Variants in SMYD3 observed in about 807,000 individuals in gnomAD.
SMYD3 encodes histone-lysine N-methyltransferase SMYD3.
In SMYD3, 36 loss-of-function variants were observed where a neutral mutation model predicts 57.7. The ratio of observed to expected loss-of-function variants is 0.62; its 90% CI spans 0.48 to 0.82. The LOEUF is 0.82. Ranked by LOEUF, SMYD3 falls within the 40% of genes least tolerant of loss-of-function variation. The pLI, the probability that SMYD3 is intolerant of heterozygous loss-of-function variation, is 0.00. For synonymous variants in SMYD3, 211 were observed against 195.0 expected (o/e 1.08, Z -0.68); for missense variants, 515 against 538.8 (o/e 0.96, Z 0.44).
chr1:246,225,390 G>A (rs1468292265), intron 5 of SMYD3, among the ~76,000 whole-genome samples: 1 of 138,038 alleles, frequency 7.2e-6, no homozygotes, highest in Non-Finnish European at 1.5e-5. Flanking sequence ...AAGACTAAAG[G>A]TCTTTGGTAA....
At chr1:246,357,025 G>A (rs1377908968) in intron 1 of SMYD3, among the ~76,000 whole-genome samples, 4 of 152,176 alleles carry the variant, frequency 2.6e-5, no homozygotes, top group Non-Finnish European at 4.4e-5. Context: ...AGAGCTGTGA[G>A]GCAAAAGCAT....
chr1:245,865,529 A>G (rs2051786184), intron 8 of SMYD3, among the ~76,000 whole-genome samples: 1 of 152,176 alleles, frequency 6.6e-6, no homozygotes, highest in Admixed American at 6.5e-5. Context: ...CTAGCCTGGA[A>G]CCAAAATTTC....
chr1:245,994,645 T>C (rs182552500), intron 5 of SMYD3, among the ~76,000 whole-genome samples: 9 of 152,234 alleles, frequency 5.9e-5, no homozygotes, highest in East Asian at 3.9e-4. Flanking sequence ...ATTTCAGAAA[T>C]AGGGGAGGGC....
At position 246,492,400 on chromosome 1, in the gene SMYD3, C is replaced by T. The variant is rs138044561; in HGVS notation, c.164+14654G>A. Among the ~76,000 whole-genome samples, 1,234 of 152,166 alleles carry T rather than the reference C, an allele frequency of 8.1e-3. 13 individuals are homozygous for T. The highest frequency in any genetic ancestry group is 0.028 in the African/African-American group (1,152 of 41,508). On this transcript the variant is annotated intron_variant, in intron 1 of 11. Coordinates refer to ENST00000490107, the MANE Select transcript of SMYD3 (RefSeq NM_001167740.2). ...TAAGAACCGGTATCTCAGAGAACGCCGATGGCTCCTGACTAGGAGGAAAAA... is the reference window on the plus strand; with the variant it reads ...TAAGAACCGGTATCTCAGAGAACGCTGATGGCTCCTGACTAGGAGGAAAAA...
chr1:245,786,213 C>CGCG (rs1553321336), intron 10 of SMYD3, among the ~76,000 whole-genome samples: 1 of 104,040 alleles, frequency 9.6e-6, no homozygotes, highest in African/African-American at 4.0e-5. Context: ...GGGGTGTGGA[C>CGCG]GGGGGGGGGA....
chr1:246,204,551 C>T (rs1277846186), intron 5 of SMYD3, among the ~76,000 whole-genome samples: 1 of 136,502 alleles, frequency 7.3e-6, no homozygotes, highest in Non-Finnish European at 1.5e-5. Flanking sequence ...AAGAATCTTA[C>T]CTTTGTCAAA....
chr1:245,761,138 C>T (rs1178875649), intron 11 of SMYD3, among the ~76,000 whole-genome samples: 1 of 152,126 alleles, frequency 6.6e-6, no homozygotes, highest in Non-Finnish European at 1.5e-5. Flanking sequence ...TGTAGAGACA[C>T]ACAGCAAGTT....
At chr1:245,828,977 A>ACCC (rs1558396089) in intron 10 of SMYD3, among the ~76,000 whole-genome samples, 2 of 151,952 alleles carry the variant, frequency 1.3e-5, no homozygotes, top group Non-Finnish European at 2.9e-5. Context: ...TGCTGGGGTT[A>ACCC]GAGGCATGAG....
chr1:246,296,286 C>A (rs2064793378), intron 5 of SMYD3, among the ~76,000 whole-genome samples: 1 of 152,168 alleles, frequency 6.6e-6, no homozygotes, highest in African/African-American at 2.4e-5. Flanking sequence ...GAAATGGTAA[C>A]ACTTGCCCCC....
intron 10 of SMYD3, among the ~76,000 whole-genome samples, chr1:245,792,782 C>T (rs747111836): frequency 7.2e-5 from 11 of 152,032 alleles, no homozygotes; most frequent in South Asian, 2.1e-4. Context: ...TTTGGGTGGA[C>T]GAAGGGAGAG....
intron 10 of SMYD3, among the ~76,000 whole-genome samples, chr1:245,849,384 A>C (rs1251271088): frequency 6.6e-6 from 1 of 152,178 alleles, no homozygotes; most frequent in African/African-American, 2.4e-5. Flanking sequence ...CCGTGCTTTA[A>C]GATAAAGGTT....
Position 246,203,913 on chromosome 1 carries a change from T to A in SMYD3, c.531+123288A>T, listed in dbSNP as rs757784996. On this transcript the variant is annotated intron_variant, in intron 5 of 11. Transcript: ENST00000490107. The surrounding 1 kb of genome is among the most constrained non-coding windows in gnomAD (Gnocchi z 4.6). ...TAGCTGCTTCCCATCACTGCCAAGATGTGAAAATACCCTAAACTAGAAGTC... is the reference window on the plus strand; with the variant it reads ...TAGCTGCTTCCCATCACTGCCAAGAAGTGAAAATACCCTAAACTAGAAGTC... Among the ~76,000 whole-genome samples the A allele has an allele frequency of 6.6e-6, 1 of 152,178 alleles. No individual in the cohort carries two copies. The highest frequency in any genetic ancestry group is 2.4e-5 in the African/African-American group (1 of 41,438).
chr1:246,195,871 A>T (rs2062824378), intron 5 of SMYD3, among the ~76,000 whole-genome samples: 1 of 152,206 alleles, frequency 6.6e-6, no homozygotes, highest in African/African-American at 2.4e-5. Flanking sequence ...AAAAGGGGTC[A>T]GAGCCTTTGT....
At chr1:245,946,859 C>A (rs2057443525) in intron 5 of SMYD3, among the ~76,000 whole-genome samples, 1 of 152,160 alleles carries the variant, frequency 6.6e-6, no homozygotes, top group South Asian at 2.1e-4. Flanking sequence ...ATGTAAAAAA[C>A]TCCCCATTTC....
intron 5 of SMYD3, among the ~76,000 whole-genome samples, chr1:246,315,932 C>T (rs1337998973): frequency 6.6e-6 from 1 of 151,680 alleles, no homozygotes; most frequent in Non-Finnish European, 1.5e-5. Flanking sequence ...ATTTTTGCCC[C>T]TAAAAAAAAC....
intron 5 of SMYD3, among the ~76,000 whole-genome samples, chr1:246,289,994 G>GA (rs1453876656): frequency 6.6e-6 from 1 of 152,122 alleles, no homozygotes. Flanking sequence ...AGCAAAATCA[G>GA]AAAGTACACA....
At chr1:246,292,642 G>C (rs995662583) in intron 5 of SMYD3, among the ~76,000 whole-genome samples, 2 of 152,220 alleles carry the variant, frequency 1.3e-5, no homozygotes, top group African/African-American at 2.4e-5. Flanking sequence ...AAATTTTGTA[G>C]GGATATGCTG....
chr1:246,408,663 C>CTTTTTTTTT (rs5782392), intron 1 of SMYD3, among the ~76,000 whole-genome samples: 1 of 65,520 alleles, frequency 1.5e-5, no homozygotes, highest in African/African-American at 5.7e-5. Context: ...AGAAGCAAGT[C>CTTTTTTTTT]TTTTTTTTTT....
chr1:246,473,992 G>T (rs1490093855), intron 1 of SMYD3, among the ~76,000 whole-genome samples: 1 of 152,054 alleles, frequency 6.6e-6, no homozygotes, highest in Non-Finnish European at 1.5e-5. Context: ...AAATCTGCTA[G>T]GCCATTTAAA....
Sources: allele counts gnomAD v4.1 joint callset (sites outside exome capture counted in the v4.1 genomes callset), GRCh38; gene constraint gnomAD v4.1.1; non-coding constraint Gnocchi (gnomAD v3.1); transcripts MANE v1.5; gene names NCBI Gene and HGNC (gene_info 2026-07-23, HGNC 2026-07-21).